Variants in DCUN1D4 observed in about 807,000 individuals in gnomAD.
DCUN1D4 encodes DCN1-like protein 4.
In DCUN1D4, 22 loss-of-function variants were observed where a neutral mutation model predicts 47.9. The ratio of observed to expected loss-of-function variants is 0.46; its 90% CI spans 0.33 to 0.66. DCUN1D4 has a LOEUF of 0.66. Among genes scored for constraint, DCUN1D4 ranks in the 30% least tolerant of loss-of-function variants. The probability of loss-of-function intolerance (pLI) is 0.02; values close to 1 mark genes in which losing one functional copy is unlikely to be tolerated. For missense variants in DCUN1D4, 301 were observed against 340.8 expected, an observed-to-expected ratio of 0.88 and a Z score of 0.92; for synonymous variants, 121 against 112.2, an observed-to-expected ratio of 1.08 and a Z score of -0.50.
At chr4:51,886,212 C>A (rs1391334550) in intron 5 of DCUN1D4, among the ~76,000 whole-genome samples, 1 of 152,052 alleles carries the variant, frequency 6.6e-6, no homozygotes, top group African/African-American at 2.4e-5. Context: ...TTATGTGGTT[C>A]TTTGCTATGT....
At chr4:51,880,945 G>A (rs766081626) in intron 5 of DCUN1D4, among the ~76,000 whole-genome samples, 4 of 152,004 alleles carry the variant, frequency 2.6e-5, no homozygotes, top group African/African-American at 4.8e-5. Context: ...TGGCTAACAC[G>A]GTGAAATCCC....
chr4:51,876,780 G>A (rs1418079745), intron 4 of DCUN1D4, among the ~76,000 whole-genome samples: 3 of 152,138 alleles, frequency 2.0e-5, no homozygotes, highest in South Asian at 2.1e-4. Flanking sequence ...TTGGGTATAG[G>A]TGGGGGTCCT....
intron 1 of DCUN1D4, among the ~76,000 whole-genome samples, chr4:51,859,987 T>TA (rs1319443799): frequency 6.6e-6 from 1 of 152,166 alleles, no homozygotes; most frequent in Non-Finnish European, 1.5e-5. Context: ...CCTTAACATC[T>TA]AGGCCTTAAG....
At chr4:51,880,262 A>G (rs1728364336) in intron 5 of DCUN1D4, among the ~76,000 whole-genome samples, 1 of 152,222 alleles carries the variant, frequency 6.6e-6, no homozygotes, top group African/African-American at 2.4e-5. Context: ...GTCTGTGGGA[A>G]CAGGCTGTGA....
the DCUN1D4 span, among the ~76,000 whole-genome samples, chr4:51,834,473 A>G: frequency 2.0e-5 from 3 of 151,964 alleles, no homozygotes; most frequent in Admixed American, 6.5e-5. Context: ...TACACACCCG[A>G]CTGGCCCTAT....
intron 5 of DCUN1D4, among the ~76,000 whole-genome samples, chr4:51,886,200 T>C (rs1357465169): frequency 1.3e-5 from 2 of 152,234 alleles, no homozygotes; most frequent in Non-Finnish European, 2.9e-5. Flanking sequence ...TTATAGAGAC[T>C]ATTATGTGGT....
At chr4:51,844,298 G>T (rs1392991906) in intron 1 of DCUN1D4, 10 of 982,534 alleles carry the variant, frequency 1.0e-5, no homozygotes, top group Non-Finnish European at 1.2e-5. Flanking sequence ...TCCAAGCTTC[G>T]GGGTGCGGAG....
chr4:51,878,494 C>G (rs1016470787), intron 5 of DCUN1D4, among the ~76,000 whole-genome samples: 2 of 152,200 alleles, frequency 1.3e-5, no homozygotes, highest in East Asian at 3.9e-4. Context: ...ACTGGCTATT[C>G]TAGCAACCTT....
At chr4:51,864,124 C>T (rs571016835) in intron 3 of DCUN1D4, among the ~76,000 whole-genome samples, 1 of 152,212 alleles carries the variant, frequency 6.6e-6, no homozygotes, top group East Asian at 1.9e-4. Flanking sequence ...AAAATTGAAG[C>T]TTGATTAGTA....
intron 9 of DCUN1D4, 66 bp downstream of exon 9, chr4:51,911,240 C>T (rs1022227592): frequency 3.6e-6 from 5 of 1,408,210 alleles, no homozygotes; most frequent in Non-Finnish European, 5.0e-6. Context: ...ACTTTATTCA[C>T]CCGTTGTATG....
chr4:51,895,427 A>T (rs1341532796), intron 7 of DCUN1D4, among the ~76,000 whole-genome samples: 2 of 151,882 alleles, frequency 1.3e-5, no homozygotes, highest in Non-Finnish European at 2.9e-5. Flanking sequence ...CGTGGGTGGT[A>T]TGAGAGTTTG....
At chr4:51,873,458 A>AT (rs1397761019) in intron 3 of DCUN1D4, among the ~76,000 whole-genome samples, 1 of 152,192 alleles carries the variant, frequency 6.6e-6, no homozygotes, top group African/African-American at 2.4e-5. Flanking sequence ...GACTGCCCAG[A>AT]TTCGAATCCT....
rs1248018549 is a variant in DCUN1D4, at chr4:51,908,974, GAGTA to G, written c.616-2092_616-2089del. The G allele has an allele frequency of 2.0e-5, 9 of 456,168 alleles. No homozygotes were observed. The East Asian group carries it at 2.8e-4, about 14-fold the overall frequency. 28.3% of individuals were successfully genotyped at this position (456,168 alleles called of 1,614,324 possible). A position where few individuals can be genotyped will look rare whatever the true frequency, so the allele number is the denominator to read the frequency against. ...GCTGGCTGGCACCCTTGCAGAGCAG[GAGTA>G]AGTGAGTGCTGTTCAGCTTTCCAGT... On this transcript the variant is annotated intron_variant, in intron 8 of 10. Coordinates refer to ENST00000334635, the MANE Select transcript of DCUN1D4 (RefSeq NM_001040402.3).
chr4:51,894,405 A>G (rs1375451309), intron 7 of DCUN1D4, among the ~76,000 whole-genome samples: 1 of 147,206 alleles, frequency 6.8e-6, no homozygotes, highest in African/African-American at 2.5e-5. Flanking sequence ...ACCTTTCTAG[A>G]TTAGTCATTT....
intron 5 of DCUN1D4, among the ~76,000 whole-genome samples, chr4:51,879,090 T>G (rs1728130312): frequency 6.6e-6 from 1 of 152,114 alleles, no homozygotes; most frequent in African/African-American, 2.4e-5. Context: ...ATTCCTGTAG[T>G]TCTTCTTTGG....
intron 1 of DCUN1D4, among the ~76,000 whole-genome samples, chr4:51,853,532 C>T (rs1458497687): frequency 6.6e-6 from 1 of 152,112 alleles, no homozygotes; most frequent in East Asian, 1.9e-4. Context: ...TCTAGCAGTG[C>T]TGAGGTTGTT....
At chr4:51,900,696 G>A (rs1177371463) in intron 8 of DCUN1D4, among the ~76,000 whole-genome samples, 1 of 152,088 alleles carries the variant, frequency 6.6e-6, no homozygotes, top group Non-Finnish European at 1.5e-5. Flanking sequence ...GAAGTTATTT[G>A]CCAGATGCTT....
chr4:51,875,485 C>G (rs932455983), intron 4 of DCUN1D4, among the ~76,000 whole-genome samples: 1 of 152,130 alleles, frequency 6.6e-6, no homozygotes, highest in Non-Finnish European at 1.5e-5. Flanking sequence ...GAGTTTCATT[C>G]TTGGCCTTTC....
chr4:51,862,558 T>C (rs563326074), intron 1 of DCUN1D4, among the ~76,000 whole-genome samples: 1 of 152,336 alleles, frequency 6.6e-6, no homozygotes, highest in Non-Finnish European at 1.5e-5. Flanking sequence ...ACAATATCTT[T>C]TCATGGTCAT....
Sources: gnomAD v4.1 joint callset for allele counts (sites outside exome capture counted in the v4.1 genomes callset) on GRCh38, gnomAD v4.1.1 for gene constraint, MANE v1.5 for transcripts, NCBI Gene and HGNC (gene_info 2026-07-23, HGNC 2026-07-21) for gene names.